PTPRD: variants seen among roughly 807,000 people sequenced by gnomAD.
The protein encoded by PTPRD is receptor-type tyrosine-protein phosphatase delta.
Under a neutral mutation model 214.5 loss-of-function variants are expected in PTPRD, and 34 were observed. The observed-to-expected ratio is 0.16, with a 90% CI of 0.12 to 0.21. The LOEUF (loss-of-function observed/expected upper bound fraction) is 0.21, where lower values mean the gene tolerates loss of function less well. PTPRD is among the 10% of genes least tolerant of loss of function. PTPRD has a pLI of 1.00. For missense variants in PTPRD, 2,545 were observed against 2,398.7 expected (o/e 1.06, Z -1.27); for synonymous variants, 1,128 against 845.7 (o/e 1.33, Z -5.79).
intron 9 of PTPRD, among the ~76,000 whole-genome samples, chr9:9,396,444 C>T (rs2067854760): frequency 1.3e-5 from 2 of 152,022 alleles, no homozygotes; most frequent in Non-Finnish European, 2.9e-5. Context: ...GTTTGAGAAG[C>T]ACCAATGTAA....
At chr9:8,452,028 A>G in intron 33 of PTPRD, 1 of 287,350 alleles carries the variant, frequency 3.5e-6, no homozygotes. Flanking sequence ...AAAGTTAGGA[A>G]TTACATCTTG....
chr9:10,331,658 G>A (rs2096752872), intron 3 of PTPRD, among the ~76,000 whole-genome samples: 1 of 151,674 alleles, frequency 6.6e-6, no homozygotes, highest in Non-Finnish European at 1.5e-5. Context: ...TTGCTTGTTA[G>A]TCCAAATTGA....
At chr9:9,947,453 T>A (rs1238039643) in intron 4 of PTPRD, among the ~76,000 whole-genome samples, 6 of 29,968 alleles carry the variant, frequency 2.0e-4, no homozygotes, top group African/African-American at 1.3e-3. Context: ...TTTTATATAT[T>A]TTTATATATA....
intron 12 of PTPRD, among the ~76,000 whole-genome samples, chr9:8,703,203 T>G (rs1176655740): frequency 6.6e-6 from 1 of 152,194 alleles, no homozygotes; most frequent in Non-Finnish European, 1.5e-5. Flanking sequence ...AATAGACTAT[T>G]CTTTGAGGAG....
rs571439985 is a variant in PTPRD, at chr9:8,935,290, G to A, written c.-104+83407C>T. On this transcript the variant is annotated intron_variant, in intron 11 of 45. Transcript: ENST00000381196. ...ACAAAATCAGTATTAAAAATCAATT[G>A]CATTTCTATATACTAGCAATTATTT... Among the ~76,000 whole-genome samples the A allele has an allele frequency of 7.2e-5, 11 of 152,152 alleles. 1 individual carries two copies. In the South Asian group the frequency reaches 2.3e-3, roughly 32 times the overall value.
chr9:9,537,117 T>C (rs1674508365), intron 8 of PTPRD, among the ~76,000 whole-genome samples: 2 of 151,936 alleles, frequency 1.3e-5, no homozygotes, highest in Non-Finnish European at 2.9e-5. Context: ...GGGGACATGA[T>C]GCATCAATAA....
intron 11 of PTPRD, among the ~76,000 whole-genome samples, chr9:8,850,711 C>T (rs1179730866): frequency 6.6e-6 from 1 of 152,140 alleles, no homozygotes; most frequent in Admixed American, 6.5e-5. Context: ...TCATAATGAG[C>T]TATTTCAACC....
chr9:9,563,529 C>A (rs76728934), intron 8 of PTPRD, among the ~76,000 whole-genome samples: 3,737 of 152,122 alleles, frequency 0.025, 179 homozygotes, highest in African/African-American at 0.084. Flanking sequence ...GAAGAATAGA[C>A]CAATTCCAGA....
chr9:8,752,087 T>C (rs186577510), intron 11 of PTPRD, among the ~76,000 whole-genome samples: 42 of 152,274 alleles, frequency 2.8e-4, no homozygotes, highest in Non-Finnish European at 5.3e-4. Flanking sequence ...CTGTCAGAGA[T>C]GTGTGAACCA....
intron 2 of PTPRD, among the ~76,000 whole-genome samples, chr9:10,521,628 TC>T (rs1469417071): frequency 6.6e-6 from 1 of 152,092 alleles, no homozygotes; most frequent in Non-Finnish European, 1.5e-5. Flanking sequence ...ACAAAATCAT[TC>T]TTATTTTAAG....
intron 34 of PTPRD, among the ~76,000 whole-genome samples, chr9:8,448,184 T>C (rs943461724): frequency 4.0e-5 from 6 of 151,846 alleles, no homozygotes; most frequent in Admixed American, 6.6e-5. Context: ...AAAAATTGTC[T>C]GGATGTGGTG....
chr9:10,423,573 C>T (rs951451189), intron 2 of PTPRD, among the ~76,000 whole-genome samples: 4 of 151,758 alleles, frequency 2.6e-5, no homozygotes, highest in South Asian at 2.1e-4. Flanking sequence ...TAGATTTCTC[C>T]GAGACAGTGC....
chr9:10,546,346 G>C (rs2060170305), intron 2 of PTPRD, among the ~76,000 whole-genome samples: 3 of 151,898 alleles, frequency 2.0e-5, no homozygotes, highest in African/African-American at 7.3e-5. Context: ...AGTAGTTCTA[G>C]CTATCAAATC....
intron 3 of PTPRD, among the ~76,000 whole-genome samples, chr9:10,178,748 C>A (rs914745565): frequency 1.3e-5 from 2 of 151,836 alleles, no homozygotes; most frequent in African/African-American, 4.8e-5. Context: ...CTTTCCTGTG[C>A]ATTATAGGAT....
In PTPRD at chr9:10,590,830, T is replaced by C. The variant is rs1317662783; in HGVS notation, c.-600+21568A>G. ...TCATTATTTCTAGTAGAAAACTACA[T>C]AAGTCACTATTAGCCTGGAGGCAAA... is the stretch of plus-strand genomic sequence containing the variant. On this transcript the variant is annotated intron_variant, in intron 2 of 45. Coordinates refer to ENST00000381196, the MANE Select transcript of PTPRD (RefSeq NM_002839.4). Among the ~76,000 whole-genome samples, 4 of 151,800 alleles carry C rather than the reference T, an allele frequency of 2.6e-5. No homozygotes were observed. In the East Asian group the frequency reaches 7.8e-4, roughly 29 times the overall value.
At chr9:10,263,461 C>G (rs766635316) in intron 3 of PTPRD, among the ~76,000 whole-genome samples, 3 of 152,050 alleles carry the variant, frequency 2.0e-5, no homozygotes, top group Non-Finnish European at 4.4e-5. Context: ...AAGGTGGTCT[C>G]AGATGGAGAT....
intron 11 of PTPRD, among the ~76,000 whole-genome samples, chr9:8,954,250 A>G (rs1283744807): frequency 6.6e-6 from 1 of 152,006 alleles, no homozygotes. Context: ...GAAACAGAAA[A>G]CCAAATACTA....
At chr9:9,801,454 A>C (rs2099039499) in intron 5 of PTPRD, among the ~76,000 whole-genome samples, 1 of 152,088 alleles carries the variant, frequency 6.6e-6, no homozygotes, top group Admixed American at 6.6e-5. Flanking sequence ...CTGAGTTTAT[A>C]AAGCAAACAA....
chr9:10,410,317 A>T, intron 2 of PTPRD, among the ~76,000 whole-genome samples: 1 of 145,040 alleles, frequency 6.9e-6, no homozygotes, highest in South Asian at 2.2e-4. Flanking sequence ...TATATAAAAC[A>T]TAAATTTATG....
Sources: gnomAD v4.1 joint callset for allele counts (sites outside exome capture counted in the v4.1 genomes callset) on GRCh38, gnomAD v4.1.1 for gene constraint, MANE v1.5 for transcripts, NCBI Gene and HGNC (gene_info 2026-07-23, HGNC 2026-07-21) for gene names.